Variants in DCTD observed in about 807,000 individuals in gnomAD.
The protein encoded by DCTD is dCMP deaminase.
DCTD carries 23 observed loss-of-function variants against 21.0 expected under a neutral mutation model. The ratio of observed to expected loss-of-function variants is 1.09; its 90% CI spans 0.79 to 1.55. DCTD has a LOEUF of 1.55. DCTD is among the 40% of genes most tolerant of loss of function. DCTD has a pLI of 0.00. For synonymous variants in DCTD, 71 were observed against 81.1 expected, an observed-to-expected ratio of 0.88 and a Z score of 0.67; for missense variants, 224 against 230.0, an observed-to-expected ratio of 0.97 and a Z score of 0.17.
At chr4:182,914,288 G>A (rs955728133) in intron 3 of DCTD, among the ~76,000 whole-genome samples, 4 of 152,222 alleles carry the variant, frequency 2.6e-5, no homozygotes, top group Non-Finnish European at 4.4e-5. Flanking sequence ...GATTACAGGC[G>A]TGAGCCATCG....
At position 182,915,501 on chromosome 4, in the gene DCTD, G is replaced by A; in HGVS notation, c.68C>T (p.Ala23Val). The A allele has an allele frequency of 6.2e-7, 1 of 1,613,582 alleles. No individual in the cohort carries two copies. Among genetic ancestry groups the A allele is most frequent in the African/African-American group, 1.3e-5 (1 of 75,016 alleles). ...LEWPEYFMAV[A>V]FLSAQRSKDP... ...TTTGCTTCTCTGTGCTGATAAGAAG[G>A]CCACAGCCATAAAATACTCTGGCCA... The change falls in exon 2 of 6, where the codon GCC becomes GTC. Residue 23 changes from alanine (A) to valine (V), a missense_variant. Physicochemically the swap from Ala to Val is moderately conservative, Grantham distance 64. Transcript: ENST00000438320.
chr4:182,900,837 T>C (rs1348660673), intron 3 of DCTD, among the ~76,000 whole-genome samples: 2 of 143,882 alleles, frequency 1.4e-5, no homozygotes, highest in Non-Finnish European at 1.5e-5. Flanking sequence ...CAGGTAATTA[T>C]AAGACAATTC....
rs763500818 is a variant in DCTD at position 182,915,043 on chromosome 4, CGA to C, written c.122_123del (p.Ile41SerfsTer21). On this transcript the variant is annotated frameshift_variant, in exon 3 of 6. Transcript: ENST00000438320. LOFTEE classifies it high-confidence loss of function. ...KDPNSQVGAC[I>X]VNSENKIVGI... is the part of the protein sequence containing the mutation. Reference sequence around the variant, plus strand: ...CCGACAATCTTGTTTTCTGAATTCACGATGCAGGCGCCGACCTAGAAGGAAAC... The same window carrying C: ...CCGACAATCTTGTTTTCTGAATTCACTGCAGGCGCCGACCTAGAAGGAAAC... The C allele has an allele frequency of 6.2e-7, 1 of 1,614,220 alleles. No homozygotes were observed. The highest frequency in any genetic ancestry group is 8.5e-7 in the Non-Finnish European group (1 of 1,180,042).
At chr4:182,915,185 G>T in intron 2 of DCTD, 127 bp from the exon 3 acceptor site, 1 of 1,243,750 alleles carries the variant, frequency 8.0e-7, no homozygotes, top group Non-Finnish European at 1.1e-6. Flanking sequence ...GGTGCTGAGA[G>T]CTGTCGGTCT....
At chr4:182,909,949 G>A (rs544286238) in intron 3 of DCTD, among the ~76,000 whole-genome samples, 8 of 152,276 alleles carry the variant, frequency 5.3e-5, no homozygotes, top group African/African-American at 1.7e-4. Flanking sequence ...GAACTCTTTC[G>A]CCTTAATTAA....
chr4:182,896,398 T>C (rs901962803), intron 3 of DCTD, among the ~76,000 whole-genome samples: 14 of 152,238 alleles, frequency 9.2e-5, no homozygotes, highest in Admixed American at 3.9e-4. Context: ...ATTCCATGTT[T>C]TAGGAGATCT....
At chr4:182,902,647 T>G (rs978301380) in intron 3 of DCTD, among the ~76,000 whole-genome samples, 29 of 152,200 alleles carry the variant, frequency 1.9e-4, no homozygotes, top group African/African-American at 6.8e-4. Flanking sequence ...TAAAACAGTT[T>G]AAAACTTTCG....
chr4:182,904,762 CCTCCACCGGA>C (rs148613544), intron 3 of DCTD, among the ~76,000 whole-genome samples: 33,405 of 152,066 alleles, frequency 0.22, 4,271 homozygotes, highest in Non-Finnish European at 0.31. Context: ...GACCCTGCTT[CCTCCACCGGA>C]ATGGTGCAAC....
intron 3 of DCTD, among the ~76,000 whole-genome samples, chr4:182,905,664 C>T (rs1390128052): frequency 6.6e-6 from 1 of 152,110 alleles, no homozygotes; most frequent in Non-Finnish European, 1.5e-5. Flanking sequence ...CCACCTTAAG[C>T]GCTGGAGCCC....
rs191828330 is a variant in DCTD, at chr4:182,914,558, C to T, written c.244+365G>A. Among the ~76,000 whole-genome samples, 6 of 152,362 alleles carry T rather than the reference C, an allele frequency of 3.9e-5. 1 individual carries two copies. In the East Asian group the frequency reaches 1.2e-3, roughly 29 times the overall value. ...CTTCCAAGTAGTAAAAAAAGGAACC[C>T]ACAGAGACACCATGCACATCCCTCA... On this transcript the variant is annotated intron_variant, in intron 3 of 5. Transcript: ENST00000438320.
Position 182,917,121 on chromosome 4 carries a change from A to G in DCTD, c.-8+190T>C. ...AATCGACCCTGGAGTGACTGCGGGGACCCCGAGCGCCCCCACCCCGCCCGC... is the reference window on the plus strand; with the variant it reads ...AATCGACCCTGGAGTGACTGCGGGGGCCCCGAGCGCCCCCACCCCGCCCGC... On this transcript the variant is annotated intron_variant, in intron 1 of 5. Transcript: ENST00000438320. This position sits in a 1 kb window ranked among gnomAD's most constrained non-coding sequence, Gnocchi z 4.9. 1 of 986,442 alleles carries G rather than the reference A, an allele frequency of 1.0e-6. No individual in the cohort carries two copies. The highest frequency in any genetic ancestry group is 1.2e-6 in the Non-Finnish European group (1 of 831,472). The allele number at this position is 986,442 out of a possible 1,614,324, so 61.1% of individuals were successfully genotyped here. A position where few individuals can be genotyped will look rare whatever the true frequency, so the allele number is the denominator to read the frequency against.
chr4:182,916,695 T>C, intron 1 of DCTD: 2 of 1,022,878 alleles, frequency 2.0e-6, no homozygotes, highest in Non-Finnish European at 2.4e-6. Context: ...CCAGCATCCA[T>C]CATCGCTGTG....
intron 3 of DCTD, chr4:182,911,144 A>T (rs1475683087): frequency 6.6e-6 from 1 of 152,166 alleles, no homozygotes; most frequent in Non-Finnish European, 1.5e-5. Flanking sequence ...GATTCTGGCA[A>T]GGTCTCCTTT....
chr4:182,897,737 T>C (rs888727908), intron 3 of DCTD, among the ~76,000 whole-genome samples: 1 of 152,106 alleles, frequency 6.6e-6, no homozygotes, highest in Non-Finnish European at 1.5e-5. Context: ...AGCCCTGTCT[T>C]ATGATCACAG....
intron 3 of DCTD, among the ~76,000 whole-genome samples, chr4:182,901,790 A>C (rs544449176): frequency 2.2e-4 from 33 of 152,256 alleles, no homozygotes; most frequent in South Asian, 1.9e-3. Flanking sequence ...AAAAAAAAAA[A>C]AAAACTCAGT....
intron 4 of DCTD, among the ~76,000 whole-genome samples, 174 bp downstream of exon 4, chr4:182,894,315 T>C (rs1361495500): frequency 6.6e-6 from 1 of 152,234 alleles, no homozygotes. Context: ...ATGCAATTAG[T>C]CTTAGAATAC....
chr4:182,913,949 A>G (rs1738194067), intron 3 of DCTD, among the ~76,000 whole-genome samples: 1 of 152,156 alleles, frequency 6.6e-6, no homozygotes, highest in South Asian at 2.1e-4. Flanking sequence ...CCAAAGGTTT[A>G]CAGTTCTACA....
chr4:182,897,812 C>T (rs1473900058), intron 3 of DCTD, among the ~76,000 whole-genome samples: 1 of 152,200 alleles, frequency 6.6e-6, no homozygotes, highest in African/African-American at 2.4e-5. Flanking sequence ...CACCTGAGGC[C>T]GCAACCCAGC....
At chr4:182,911,068 T>G (rs1383331430) in intron 3 of DCTD, among the ~76,000 whole-genome samples, 1 of 152,216 alleles carries the variant, frequency 6.6e-6, no homozygotes, top group Non-Finnish European at 1.5e-5. Context: ...ACTGGGTGGC[T>G]GAGAAACAAT....
Sources: gnomAD v4.1 joint callset for allele counts (sites outside exome capture counted in the v4.1 genomes callset) on GRCh38, gnomAD v4.1.1 for gene constraint, Gnocchi (gnomAD v3.1) non-coding constraint, MANE v1.5 for transcripts, NCBI Gene and HGNC (gene_info 2026-07-23, HGNC 2026-07-21) for gene names.